MINPP1: variants seen among roughly 807,000 people sequenced by gnomAD.
MINPP1 encodes multiple inositol-polyphosphate phosphatase 1.
In MINPP1, 28 loss-of-function variants were observed where a neutral mutation model predicts 46.1. That is an observed-to-expected ratio of 0.61 (90% confidence interval 0.45 to 0.83). MINPP1 has a LOEUF of 0.83. MINPP1 is among the 40% of genes least tolerant of loss of function. MINPP1 has a pLI of 0.00. For missense variants in MINPP1, 603 were observed against 610.0 expected (o/e 0.99, Z 0.12); for synonymous variants, 268 against 249.1 (o/e 1.08, Z -0.72).
At chr10:87,542,515 G>A (rs1036081955) in intron 4 of MINPP1, among the ~76,000 whole-genome samples, 4 of 152,124 alleles carry the variant, frequency 2.6e-5, no homozygotes, top group African/African-American at 9.7e-5. Flanking sequence ...GGCCAGGTTG[G>A]TCTTAACCTC....
At chr10:87,546,889 C>T (rs1340419895) in intron 4 of MINPP1, among the ~76,000 whole-genome samples, 2 of 152,104 alleles carry the variant, frequency 1.3e-5, no homozygotes, top group East Asian at 3.9e-4. Context: ...ATGATCACAC[C>T]ACTGTATTCC....
intron 2 of MINPP1, among the ~76,000 whole-genome samples, chr10:87,509,113 A>G (rs1434894486): frequency 2.6e-5 from 4 of 152,182 alleles, no homozygotes; most frequent in Admixed American, 6.5e-5. Flanking sequence ...CACTATTAAT[A>G]ATTTTGCCAG....
At chr10:87,535,229 C>T (rs887357288) in intron 4 of MINPP1, among the ~76,000 whole-genome samples, 5 of 152,188 alleles carry the variant, frequency 3.3e-5, no homozygotes, top group African/African-American at 7.2e-5. Context: ...CCTTGTTCAG[C>T]GTTTCCTAAC....
chr10:87,530,792 C>T (rs909322994), intron 4 of MINPP1, among the ~76,000 whole-genome samples: 1 of 152,204 alleles, frequency 6.6e-6, no homozygotes, highest in African/African-American at 2.4e-5. Context: ...CTACGCCCTG[C>T]CCCCAGAGGT....
chr10:87,521,853 T>C (rs1327865533), intron 4 of MINPP1, among the ~76,000 whole-genome samples: 1 of 152,204 alleles, frequency 6.6e-6, no homozygotes, highest in Non-Finnish European at 1.5e-5. Context: ...CAATTAAAAA[T>C]AATTTTTCAT....
At chr10:87,530,101 T>C (rs1851636041) in intron 4 of MINPP1, among the ~76,000 whole-genome samples, 1 of 152,186 alleles carries the variant, frequency 6.6e-6, no homozygotes, top group Non-Finnish European at 1.5e-5. Context: ...AGTTAACCAT[T>C]CGTCTAATCT....
At chr10:87,548,542 T>A (rs1851920056) in intron 4 of MINPP1, among the ~76,000 whole-genome samples, 1 of 152,214 alleles carries the variant, frequency 6.6e-6, no homozygotes, top group Non-Finnish European at 1.5e-5. Flanking sequence ...CAAGCTATGT[T>A]AAGTCACAAA....
chr10:87,532,121 G>A (rs1357111052), intron 4 of MINPP1, among the ~76,000 whole-genome samples: 1 of 152,004 alleles, frequency 6.6e-6, no homozygotes, highest in Admixed American at 6.6e-5. Context: ...TGCCCCCCTT[G>A]GCAATTGTCC....
chr10:87,517,095 GA>G (rs1041474859), intron 3 of MINPP1, among the ~76,000 whole-genome samples: 25 of 152,044 alleles, frequency 1.6e-4, no homozygotes, highest in Admixed American at 1.4e-3. Flanking sequence ...AGAGGATCAG[GA>G]AAAATAACTA....
chr10:87,521,544 T>G (rs199781692), intron 4 of MINPP1, among the ~76,000 whole-genome samples: 1 of 152,224 alleles, frequency 6.6e-6, no homozygotes, highest in Non-Finnish European at 1.5e-5. Flanking sequence ...AAAGAATATA[T>G]TTAGTTTTTC....
chr10:87,519,493 G>A (rs569314734), intron 3 of MINPP1, among the ~76,000 whole-genome samples: 35 of 152,180 alleles, frequency 2.3e-4, no homozygotes, highest in Admixed American at 1.3e-3. Context: ...TTTATAACCC[G>A]TTTATTCATC....
chr10:87,527,392 A>T (rs1851593432), intron 4 of MINPP1, among the ~76,000 whole-genome samples: 1 of 152,110 alleles, frequency 6.6e-6, no homozygotes, highest in Non-Finnish European at 1.5e-5. Flanking sequence ...ATTCAGTATG[A>T]TATTGGTTGT....
chr10:87,525,110 AAATC>A (rs1417397506), intron 4 of MINPP1, among the ~76,000 whole-genome samples: 8 of 152,360 alleles, frequency 5.3e-5, no homozygotes, highest in Admixed American at 3.3e-4. Flanking sequence ...AAAGCACAAT[AAATC>A]AAAGCACAAG....
intron 1 of MINPP1, chr10:87,507,905 T>G: frequency 8.5e-7 from 1 of 1,182,488 alleles, no homozygotes; most frequent in Non-Finnish European, 1.0e-6. Context: ...TTGGGAAGGT[T>G]AATTGAGAAA....
Position 87,552,405 on chromosome 10 carries a change from A to G in MINPP1, c.1391A>G (p.Asp464Gly). 2.5e-6 allele frequency: 4 copies of G among 1,613,488 alleles called. No homozygotes were observed. Among genetic ancestry groups the G allele is most frequent in the Non-Finnish European group, 3.4e-6 (4 of 1,179,698 alleles). ...FYEDLKNHYK[D>G]ILQSCQTSEE... ...GAAGATCTGAAGAACCACTACAAGG[A>G]CATCCTTCAGAGTTGTCAAACCAGT... Residue 464 changes from aspartate (D) to glycine (G), a missense_variant, in exon 5 of 5, where the codon GAC (aspartate) becomes GGC (glycine). By Grantham distance (94) the Asp-to-Gly change is moderately conservative (BLOSUM62 -1). Coordinates refer to ENST00000371996, the MANE Select transcript of MINPP1 (RefSeq NM_004897.5).
chr10:87,545,915 G>T (rs1851880279), intron 4 of MINPP1, among the ~76,000 whole-genome samples: 1 of 152,136 alleles, frequency 6.6e-6, no homozygotes, highest in Non-Finnish European at 1.5e-5. Context: ...CCTTGTCTTT[G>T]TTCATCTGCT....
chr10:87,531,656 C>G (rs1330361834), intron 4 of MINPP1, among the ~76,000 whole-genome samples: 1 of 152,142 alleles, frequency 6.6e-6, no homozygotes, highest in African/African-American at 2.4e-5. Context: ...CTCCAAACTC[C>G]AAAACTTTTT....
At position 87,504,973 on chromosome 10, in the gene MINPP1, G is replaced by A. The variant is rs1467254825; in HGVS notation, c.58G>A (p.Ala20Thr). 1 of 1,612,122 alleles carries A rather than the reference G, an allele frequency of 6.2e-7. No individual in the cohort carries two copies. The highest frequency in any genetic ancestry group is 1.1e-5 in the South Asian group (1 of 90,928). ...CTCCGTAGCGCCTGCCGCGGCCCTG[G>A]CTGCGGCGCTGCTCTCGTCGCTTGC... The part of the protein sequence containing the change: ...RTSVAPAAAL[A>T]AALLSSLARC... The change falls in exon 1 of 5, where the codon GCT (alanine) becomes ACT (threonine). Residue 20 changes from alanine to threonine, a missense_variant. Ala to Thr is a moderately conservative substitution (Grantham distance 58). Around this residue, in one of 3 missense-constraint regions of MINPP1, gnomAD observed 239 missense variants for 189.4 expected, o/e 1.26. Transcript: ENST00000371996.
At chr10:87,550,659 C>T (rs1486009632) in intron 4 of MINPP1, among the ~76,000 whole-genome samples, 3 of 151,838 alleles carry the variant, frequency 2.0e-5, no homozygotes, top group Non-Finnish European at 2.9e-5. Flanking sequence ...CTCACAGAGC[C>T]CCCCCGTTCT....
Sources: gnomAD v4.1 joint callset for allele counts (sites outside exome capture counted in the v4.1 genomes callset) on GRCh38, gnomAD v4.1.1 for gene constraint, gnomAD v4.1.1 regional missense constraint, MANE v1.5 for transcripts, NCBI Gene and HGNC (gene_info 2026-07-23, HGNC 2026-07-21) for gene names.